TMEM169: variants seen among roughly 807,000 people sequenced by gnomAD.
TMEM169 encodes the protein transmembrane protein 169.
A neutral mutation model predicts 27.3 loss-of-function variants in TMEM169; 18 were observed. That is an observed-to-expected ratio of 0.66 (90% CI 0.46 to 0.98). TMEM169 has a LOEUF of 0.98. Ranked by LOEUF, TMEM169 falls within the 50% of genes least tolerant of loss-of-function variation. The probability of loss-of-function intolerance (pLI) is 0.00; values close to 1 mark genes in which losing one functional copy is unlikely to be tolerated. For missense variants in TMEM169, 320 were observed against 368.6 expected, an observed-to-expected ratio of 0.87 and a Z score of 1.08; for synonymous variants, 136 against 142.1, an observed-to-expected ratio of 0.96 and a Z score of 0.30.
At chr2:216,098,867 T>C (rs2105988697) in intron 2 of TMEM169, among the ~76,000 whole-genome samples, 1 of 149,762 alleles carries the variant, frequency 6.7e-6, no homozygotes, top group African/African-American at 2.5e-5. Context: ...GGGGAGTATA[T>C]GGTGTACGTA....
At chr2:216,091,264 C>A (rs1049773869) in intron 1 of TMEM169, among the ~76,000 whole-genome samples, 1 of 152,096 alleles carries the variant, frequency 6.6e-6, no homozygotes, top group Non-Finnish European at 1.5e-5. Flanking sequence ...GGGATTAGTG[C>A]CCCCATAAAA....
chr2:216,101,456 G>C lies in TMEM169; in HGVS notation c.*914G>C, dbSNP rs537497370. The C allele has an allele frequency of 2.6e-5, 4 of 152,358 alleles. No homozygotes were observed. Among genetic ancestry groups the C allele is most frequent in the Admixed American group, 1.3e-4 (2 of 15,292 alleles). 9.4% of individuals were successfully genotyped at this position (152,358 alleles called of 1,614,324 possible). ...CTAATTGGCAAGAAAAAGGAAGAAT[G>C]GTTATTTGGGTTTTGTTTTGTTTTG... On this transcript the variant is annotated 3_prime_UTR_variant, in exon 3 of 3. Transcript: ENST00000437356.
At chr2:216,084,989 A>C (rs1012269875) in intron 1 of TMEM169, among the ~76,000 whole-genome samples, 2 of 152,026 alleles carry the variant, frequency 1.3e-5, no homozygotes, top group Non-Finnish European at 2.9e-5. Context: ...TTTCTTTTTT[A>C]TTTTTATTTA....
chr2:216,091,944 A>G (rs1294207559), intron 1 of TMEM169, among the ~76,000 whole-genome samples: 1 of 152,192 alleles, frequency 6.6e-6, no homozygotes, highest in African/African-American at 2.4e-5. Context: ...TGAGGAAATC[A>G]TGTTTCAAGG....
chr2:216,092,484 A>G (rs1696156686), intron 1 of TMEM169, among the ~76,000 whole-genome samples: 1 of 152,180 alleles, frequency 6.6e-6, no homozygotes, highest in Non-Finnish European at 1.5e-5. Flanking sequence ...AATAAGGGTC[A>G]TCATCTCCAT....
intron 1 of TMEM169, among the ~76,000 whole-genome samples, chr2:216,083,594 T>C (rs1170729913): frequency 6.6e-6 from 1 of 152,158 alleles, no homozygotes; most frequent in African/African-American, 2.4e-5. Context: ...GTGTGGCTGC[T>C]GAGCGGACTG....
intron 1 of TMEM169, among the ~76,000 whole-genome samples, chr2:216,092,872 G>T (rs1205931331): frequency 2.0e-5 from 3 of 152,118 alleles, no homozygotes; most frequent in Admixed American, 2.0e-4. Flanking sequence ...TGTGATCATT[G>T]CACCTTCAAG....
At chr2:216,094,886 T>G (rs1166144090) in intron 1 of TMEM169, among the ~76,000 whole-genome samples, 1 of 152,180 alleles carries the variant, frequency 6.6e-6, no homozygotes, top group Non-Finnish European at 1.5e-5. Flanking sequence ...TTGCAGCACG[T>G]GATAGGACAC....
chr2:216,084,708 C>G (rs1046012593), intron 1 of TMEM169, among the ~76,000 whole-genome samples: 2 of 152,070 alleles, frequency 1.3e-5, no homozygotes, highest in Non-Finnish European at 2.9e-5. Flanking sequence ...AACATTTGAA[C>G]AAGGACTCAA....
intron 2 of TMEM169, among the ~76,000 whole-genome samples, chr2:216,097,189 A>T (rs1302098840): frequency 6.6e-6 from 1 of 152,208 alleles, no homozygotes; most frequent in Non-Finnish European, 1.5e-5. Context: ...ATAAGGAGGC[A>T]TATATAAGAA....
At chr2:216,092,920 A>G (rs1299984143) in intron 1 of TMEM169, among the ~76,000 whole-genome samples, 1 of 152,212 alleles carries the variant, frequency 6.6e-6, no homozygotes, top group Non-Finnish European at 1.5e-5. Context: ...CATTCCTACC[A>G]TAGAATTACC....
intron 1 of TMEM169, among the ~76,000 whole-genome samples, chr2:216,087,970 C>G (rs1696043744): frequency 6.6e-6 from 1 of 151,590 alleles, no homozygotes; most frequent in Non-Finnish European, 1.5e-5. Flanking sequence ...ACTAGCCTGG[C>G]CAACATGGTG....
intron 1 of TMEM169, 21 bp downstream of exon 1, chr2:216,082,000 C>A (rs1223640730): frequency 1.6e-5 from 7 of 438,938 alleles, no homozygotes; most frequent in African/African-American, 4.4e-5. Flanking sequence ...TCGTTCGTTT[C>A]TTTAAATTTC....
At chr2:216,094,347 A>G (rs1330728362) in intron 1 of TMEM169, among the ~76,000 whole-genome samples, 1 of 152,252 alleles carries the variant, frequency 6.6e-6, no homozygotes, top group Non-Finnish European at 1.5e-5. Context: ...TGCCAATAAT[A>G]TTGCATAACA....
chr2:216,100,799 GA>G lies in TMEM169; in HGVS notation c.*259del. ...AAATCACCATTTATTTAGGACAATG[GA>G]ACTCTGCTGTGTGTCGTTTTGGGAG... On this transcript the variant is annotated 3_prime_UTR_variant, in exon 3 of 3. Coordinates refer to ENST00000437356, the MANE Select transcript of TMEM169 (RefSeq NM_001142311.2). 2 of 509,792 alleles carry G rather than the reference GA, an allele frequency of 3.9e-6. No homozygotes were observed. The allele number at this position is 509,792 out of a possible 1,614,324, so 31.6% of individuals were successfully genotyped here.
intron 1 of TMEM169, among the ~76,000 whole-genome samples, chr2:216,084,701 A>G (rs950699046): frequency 6.6e-6 from 1 of 152,236 alleles, no homozygotes; most frequent in East Asian, 1.9e-4. Context: ...AGGAGGAAAC[A>G]TTTGAACAAG....
intron 1 of TMEM169, among the ~76,000 whole-genome samples, chr2:216,089,578 T>C (rs1428324268): frequency 6.6e-6 from 1 of 152,320 alleles, no homozygotes; most frequent in South Asian, 2.1e-4. Flanking sequence ...TGCCTCAGCC[T>C]CCTGAGTAGC....
At chr2:216,096,450 C>T (rs540257532) in intron 2 of TMEM169, among the ~76,000 whole-genome samples, 2 of 152,334 alleles carry the variant, frequency 1.3e-5, no homozygotes, top group South Asian at 2.1e-4. Flanking sequence ...CTGCAACTTC[C>T]ACCTTCTGGG....
intron 2 of TMEM169, among the ~76,000 whole-genome samples, chr2:216,096,787 A>G (rs1204021084): frequency 1.3e-5 from 2 of 152,268 alleles, no homozygotes; most frequent in African/African-American, 4.8e-5. Flanking sequence ...AGGCTGATTT[A>G]TACGCAAAAA....
Sources: gnomAD v4.1 joint callset for allele counts (sites outside exome capture counted in the v4.1 genomes callset) on GRCh38, gnomAD v4.1.1 for gene constraint, MANE v1.5 for transcripts, NCBI Gene and HGNC (gene_info 2026-07-23, HGNC 2026-07-21) for gene names.